STPG1: variants seen among roughly 807,000 people sequenced by gnomAD.
STPG1 encodes the protein sperm tail PG-rich repeat containing 1.
Under a neutral mutation model 40.1 loss-of-function variants are expected in STPG1, and 33 were observed. That is an observed-to-expected ratio of 0.82 (90% CI 0.62 to 1.10). The LOEUF is 1.10. Among genes scored for constraint, STPG1 ranks in the 50% least tolerant of loss-of-function variants. The probability of loss-of-function intolerance (pLI) is 0.00; values close to 1 mark genes in which losing one functional copy is unlikely to be tolerated. For missense variants in STPG1, 396 were observed against 415.1 expected (o/e 0.95, Z 0.40); for synonymous variants, 150 against 155.0 (o/e 0.97, Z 0.24).
intron 5 of STPG1, among the ~76,000 whole-genome samples, chr1:24,378,620 C>T (rs1039576877): frequency 3.3e-5 from 5 of 151,850 alleles, no homozygotes; most frequent in Non-Finnish European, 4.4e-5. Context: ...AGCAAGACTC[C>T]GTCTCAAAAA....
intron 6 of STPG1, among the ~76,000 whole-genome samples, chr1:24,372,572 T>C (rs1183596130): frequency 1.3e-5 from 2 of 152,218 alleles, no homozygotes; most frequent in Non-Finnish European, 1.5e-5. Flanking sequence ...ATGCTGGCTT[T>C]GTTCTTCTGT....
chr1:24,373,917 C>G, intron 5 of STPG1, 107 bp from the exon 6 acceptor site: 1 of 787,308 alleles, frequency 1.3e-6, no homozygotes, highest in Non-Finnish European at 2.2e-6. Flanking sequence ...CAAACCGAAA[C>G]CTGTCCTTCT....
intron 8 of STPG1, 66 bp from the exon 9 acceptor site, chr1:24,358,685 T>C: frequency 7.6e-7 from 1 of 1,309,646 alleles, no homozygotes; most frequent in African/African-American, 1.5e-5. Flanking sequence ...TCTCTGGCAT[T>C]CTACCTCAGA....
chr1:24,371,386 G>C (rs948570804), intron 6 of STPG1, among the ~76,000 whole-genome samples: 1 of 152,094 alleles, frequency 6.6e-6, no homozygotes, highest in Non-Finnish European at 1.5e-5. Context: ...TCAGGAGTTT[G>C]AGACCAGCCT....
At chr1:24,413,055 C>T (rs1028539338) in intron 1 of STPG1, among the ~76,000 whole-genome samples, 1 of 152,130 alleles carries the variant, frequency 6.6e-6, no homozygotes, top group African/African-American at 2.4e-5. Context: ...CGTCTGTAGG[C>T]GATTTTTATC....
intron 4 of STPG1, 55 bp from the exon 5 acceptor site, chr1:24,379,878 A>G (rs1232393676): frequency 6.4e-7 from 1 of 1,557,330 alleles, no homozygotes; most frequent in East Asian, 2.3e-5. Context: ...GTGGATCTGA[A>G]GGACAGATGT....
At chr1:24,403,281 T>C (rs754090116) in intron 1 of STPG1, among the ~76,000 whole-genome samples, 2 of 152,218 alleles carry the variant, frequency 1.3e-5, no homozygotes, top group African/African-American at 2.4e-5. Context: ...TATGTGTTTA[T>C]TTAGATATAC....
intron 4 of STPG1, among the ~76,000 whole-genome samples, chr1:24,381,913 A>T (rs1282874261): frequency 1.3e-5 from 2 of 152,318 alleles, no homozygotes; most frequent in East Asian, 3.9e-4. Context: ...AAACGCAGAG[A>T]TCTCCTAATA....
chr1:24,387,246 G>C (rs1642552315), intron 3 of STPG1, among the ~76,000 whole-genome samples: 1 of 152,214 alleles, frequency 6.6e-6, no homozygotes, highest in Non-Finnish European at 1.5e-5. Context: ...GCAGCTCACA[G>C]GGTTTAGGAA....
chr1:24,413,051 T>C (rs547392388), intron 1 of STPG1, among the ~76,000 whole-genome samples: 161 of 152,372 alleles, frequency 1.1e-3, no homozygotes, highest in African/African-American at 3.3e-3. Context: ...GTTTCGTCTG[T>C]AGGCGATTTT....
At position 24,364,131 on chromosome 1, in the gene STPG1, C is replaced by A. The variant is rs60585087; in HGVS notation, c.738-3090G>T. 5.6e-4 allele frequency: 824 copies of A among 1,469,564 alleles called. 2 individuals are homozygous for A. The African/African-American group carries it at 0.011, about 19-fold the overall frequency. The allele number at this position is 1,469,564 out of a possible 1,614,324, so 91.0% of individuals were successfully genotyped here. A position where few individuals can be genotyped will look rare whatever the true frequency, so the allele number is the denominator to read the frequency against. ...CCTGCTGTTCCTTCTGTGAGAAACA[C>A]CAACTTTCCCTGCAAACTCGAATTC... On this transcript the variant is annotated intron_variant, in intron 7 of 8. Coordinates refer to ENST00000337248, the MANE Select transcript of STPG1 (RefSeq NM_001199013.2).
chr1:24,389,567 T>G (rs1642672183), intron 3 of STPG1, among the ~76,000 whole-genome samples: 1 of 152,146 alleles, frequency 6.6e-6, no homozygotes, highest in Non-Finnish European at 1.5e-5. Context: ...AAGCCTCGGT[T>G]TCCTCTTCTG....
chr1:24,384,437 C>T (rs1642418312), intron 3 of STPG1, among the ~76,000 whole-genome samples: 1 of 152,182 alleles, frequency 6.6e-6, no homozygotes, highest in African/African-American at 2.4e-5. Context: ...CCTCCTCAGC[C>T]TTTCAGAAGA....
At chr1:24,380,714 A>C (rs1642246461) in intron 4 of STPG1, among the ~76,000 whole-genome samples, 1 of 152,166 alleles carries the variant, frequency 6.6e-6, no homozygotes, top group East Asian at 1.9e-4. Flanking sequence ...CCCCACTAGC[A>C]TTTGGGGGGG....
At chr1:24,364,360 A>C in intron 7 of STPG1, 1 of 1,542,262 alleles carries the variant, frequency 6.5e-7, no homozygotes, top group East Asian at 2.5e-5. Context: ...CTTCACTGTA[A>C]ACTCGGAATG....
At chr1:24,372,100 C>T (rs964001016) in intron 6 of STPG1, among the ~76,000 whole-genome samples, 1 of 152,186 alleles carries the variant, frequency 6.6e-6, no homozygotes, top group African/African-American at 2.4e-5. Context: ...ATCACTTGAA[C>T]CCGGGGGGCG....
At chr1:24,402,456 C>T (rs1448186811) in intron 1 of STPG1, among the ~76,000 whole-genome samples, 1 of 152,010 alleles carries the variant, frequency 6.6e-6, no homozygotes, top group East Asian at 1.9e-4. Flanking sequence ...TTCAAATCTT[C>T]TACCTTTAAA....
chr1:24,404,954 C>T (rs112483182), intron 1 of STPG1, among the ~76,000 whole-genome samples: 112 of 151,664 alleles, frequency 7.4e-4, no homozygotes, highest in African/African-American at 2.7e-3. Context: ...TTCATTTGTT[C>T]TTCTCTTTCT....
Position 24,375,931 on chromosome 1 carries a change from T to C in STPG1, c.463-2121A>G, listed in dbSNP as rs760700871. Among the ~76,000 whole-genome samples the C allele has an allele frequency of 5.6e-4, 86 of 152,244 alleles. 1 individual carries two copies. The highest frequency in any genetic ancestry group is 2.4e-4 in the Non-Finnish European group (16 of 68,038). Reference sequence around the variant, plus strand: ...TATTGTATTGCCATGGAAAGAAATCTAAGAAGAAAATGCATGTGTGCTGTG... The same window carrying C: ...TATTGTATTGCCATGGAAAGAAATCCAAGAAGAAAATGCATGTGTGCTGTG... On this transcript the variant is annotated intron_variant, in intron 5 of 8. Transcript: ENST00000337248.
Sources: allele counts gnomAD v4.1 joint callset (sites outside exome capture counted in the v4.1 genomes callset), GRCh38; gene constraint gnomAD v4.1.1; transcripts MANE v1.5; gene names NCBI Gene and HGNC (gene_info 2026-07-23, HGNC 2026-07-21).